ARHGAP45: variants seen among roughly 807,000 people sequenced by gnomAD.
The protein encoded by ARHGAP45 is Rho GTPase activating protein 45, also known as rho GTPase-activating protein 45.
Under a neutral mutation model 116.1 loss-of-function variants are expected in ARHGAP45, and 56 were observed. The ratio of observed to expected loss-of-function variants is 0.48; its 90% confidence interval spans 0.39 to 0.60. ARHGAP45 has a LOEUF of 0.60. Ranked by LOEUF, ARHGAP45 falls within the 20% of genes least tolerant of loss-of-function variation. The probability of loss-of-function intolerance (pLI) is 0.00; values close to 1 mark genes in which losing one functional copy is unlikely to be tolerated. For synonymous variants in ARHGAP45, 866 were observed against 701.7 expected (o/e 1.23, Z -3.70); for missense variants, 1,622 against 1,601.0 (o/e 1.01, Z -0.22).
At chr19:1,075,982 A>G (rs1327519413) in intron 10 of ARHGAP45, among the ~76,000 whole-genome samples, 1 of 152,170 alleles carries the variant, frequency 6.6e-6, no homozygotes. Context: ...TCACCTCCAT[A>G]TAGAGAGGCT....
chr19:1,076,170 C>A (rs763574096), intron 10 of ARHGAP45, among the ~76,000 whole-genome samples: 6 of 152,162 alleles, frequency 3.9e-5, no homozygotes, highest in Non-Finnish European at 5.9e-5. Flanking sequence ...CCTGAGGGAT[C>A]AGTGCCCAAA....
intron 19 of ARHGAP45, 49 bp from the exon 20 acceptor site, chr19:1,082,791 G>A (rs1599771798): frequency 7.0e-7 from 1 of 1,425,656 alleles, no homozygotes; most frequent in Non-Finnish European, 9.3e-7. Flanking sequence ...GGCACACGTG[G>A]GGGCTGGGCC....
At position 1,083,255 on chromosome 19, in the gene ARHGAP45, C is replaced by T. The variant is rs772099995; in HGVS notation, c.2857C>T (p.Leu953=). Reference sequence around the variant, plus strand: ...CGAGGCCACCGTGTCCCTCTCCTCCCTGGTGGATTATCCCCATCAGGCCCG... The same window carrying T: ...CGAGGCCACCGTGTCCCTCTCCTCCTTGGTGGATTATCCCCATCAGGCCCG... ...PTEATVSLSS[L]VDYPHQARVI... Residue 953 remains leucine (L), a synonymous_variant, in exon 21 of 23, where the codon CTG becomes TTG. Transcript: ENST00000313093. The T allele has an allele frequency of 1.9e-6, 3 of 1,603,482 alleles. No individual in the cohort carries two copies. Among genetic ancestry groups the T allele is most frequent in the Non-Finnish European group, 2.6e-6 (3 of 1,175,286 alleles).
In ARHGAP45 at chr19:1,074,128, A is replaced by G. The variant is rs1157370902; in HGVS notation, c.815A>G (p.Asp272Gly). The G allele has an allele frequency of 6.2e-7, 1 of 1,613,022 alleles. No homozygotes were observed. The highest frequency in any genetic ancestry group is 1.7e-4 in the Middle Eastern group (1 of 6,052). Residue 272 changes from aspartate to glycine, a missense_variant, in exon 7 of 23, where the codon GAC (aspartate) becomes GGC (glycine). Coordinates refer to ENST00000313093, the MANE Select transcript of ARHGAP45 (RefSeq NM_012292.5). ...DAGCLPAEEV[D>G]VLLQRCEGGV... ...GGCTGCCTGCCCGCCGAGGAGGTGG[A>G]CGTGCTGCTACAGCGCTGTGAGGGG...
chr19:1,081,553 T>C lies in ARHGAP45; in HGVS notation c.2194T>C (p.Cys732Arg). ...YFQGAECEEC[C>R]LACHKKCLET... ...CACTCACTCTGGCCGCCCCCAGTGC[T>C]GCCTGGCCTGCCACAAGAAATGTCT... The change falls in exon 18 of 23, where the codon TGC becomes CGC. Residue 732 changes from cysteine (C) to arginine (R), a missense_variant. Coordinates refer to ENST00000313093, the MANE Select transcript of ARHGAP45 (RefSeq NM_012292.5). 1 of 1,471,108 alleles carries C rather than the reference T, an allele frequency of 6.8e-7. No individual in the cohort carries two copies. The highest frequency in any genetic ancestry group is 9.0e-7 in the Non-Finnish European group (1 of 1,108,192). 91.1% of individuals were successfully genotyped at this position (1,471,108 alleles called of 1,614,324 possible). A position where few individuals can be genotyped will look rare whatever the true frequency, so the allele number is the denominator to read the frequency against.
At chr19:1,072,695 T>C (rs767921071) in intron 2 of ARHGAP45, among the ~76,000 whole-genome samples, 8 of 152,188 alleles carry the variant, frequency 5.3e-5, no homozygotes, top group Non-Finnish European at 1.2e-4. Flanking sequence ...AGAGCTAGCG[T>C]AGATGGAAAA....
In ARHGAP45 at chr19:1,082,893, C is replaced by T. The variant is rs1338546348; in HGVS notation, c.2571C>T (p.Ala857=). The T allele has an allele frequency of 3.1e-6, 5 of 1,591,044 alleles. No individual in the cohort carries two copies. The highest frequency in any genetic ancestry group is 3.4e-6 in the Non-Finnish European group (4 of 1,169,202). ...TCTACCACGAGCTCGTAGGGCTGGC[C>T]AAGGACAGCCTGAAGGCAGAGGCCG... ...FRLYHELVGL[A]KDSLKAEAEA... Residue 857 remains alanine (A), a synonymous_variant, in exon 20 of 23, where the codon GCC becomes GCT. Transcript: ENST00000313093.
intron 10 of ARHGAP45, among the ~76,000 whole-genome samples, chr19:1,076,775 G>A (rs2043260259): frequency 6.6e-6 from 1 of 152,048 alleles, no homozygotes; most frequent in South Asian, 2.1e-4. Flanking sequence ...GGAATTATAG[G>A]CATAAGACAC....
chr19:1,086,000 C>A lies in ARHGAP45; in HGVS notation c.3405C>A (p.Phe1135Leu), dbSNP rs141864446. The change falls in exon 23 of 23, where the codon TTC becomes TTA. Residue 1135 changes from phenylalanine (F) to leucine (L), a missense_variant. Around this residue, in one of 3 missense-constraint regions of ARHGAP45, gnomAD observed 1,334 missense variants for 1,263.8 expected, o/e 1.06. Transcript: ENST00000313093. ...CCTGCAGGGAAAGGCAGCCGGAATT[C>A]GTGTGAGCTGGGGTGGGGCTGGGAC... ...LGSCRERQPE[F>L]V is the part of the protein sequence containing the mutation. 20 of 1,611,400 alleles carry A rather than the reference C, an allele frequency of 1.2e-5. No homozygotes were observed. The highest frequency in any genetic ancestry group is 1.7e-5 in the Non-Finnish European group (20 of 1,179,012).
At chr19:1,079,674 T>G (rs1419040969) in intron 11 of ARHGAP45, 29 bp from the exon 12 acceptor site, 1 of 1,610,714 alleles carries the variant, frequency 6.2e-7, no homozygotes, top group Non-Finnish European at 8.5e-7. Context: ...GGCTGAGGCC[T>G]CTCTCTGTGC....
In ARHGAP45 at chr19:1,080,397, C is replaced by T. The variant is rs560128516; in HGVS notation, c.1828+18C>T. ...CCACAGGGGTGAGTGTCCGGCGGGGCCCAGGGGCGGACGCTGGCTCCCTGC... is the reference window on the plus strand; with the variant it reads ...CCACAGGGGTGAGTGTCCGGCGGGGTCCAGGGGCGGACGCTGGCTCCCTGC... On this transcript the variant is annotated intron_variant, in intron 14 of 22. Transcript: ENST00000313093. 3 of 1,608,230 alleles carry T rather than the reference C, an allele frequency of 1.9e-6. No homozygotes were observed. The highest frequency in any genetic ancestry group is 2.2e-5 in the South Asian group (2 of 90,928).
At chr19:1,075,878 C>G (rs2269847) in intron 10 of ARHGAP45, among the ~76,000 whole-genome samples, 4,723 of 152,340 alleles carry the variant, frequency 0.031, 181 homozygotes, top group East Asian at 0.2. Context: ...CCTCCTAGCT[C>G]CTTCCAGCAC....
Position 1,068,744 on chromosome 19 carries a change from G to A in ARHGAP45, c.421G>A (p.Asp141Asn), listed in dbSNP as rs779055456. The A allele has an allele frequency of 2.3e-5, 37 of 1,610,556 alleles. No individual in the cohort carries two copies. Among genetic ancestry groups the A allele is most frequent in the Non-Finnish European group, 2.9e-5 (34 of 1,178,394 alleles). ...ACTTAAGGAGTGTGTGTTGCGTGAC[G>A]GTGAGAGCCACGGGGACACCGAGGC... is the stretch of plus-strand genomic sequence containing the variant. The part of the protein sequence containing the change: ...EKLKECVLRD[D>N]LLEARRPRAH... The change falls in exon 2 of 23, where the codon GAC becomes AAC. Residue 141 changes from aspartate (D) to asparagine (N), a missense_variant and splice_region_variant. Physicochemically the swap from Asp to Asn is conservative, Grantham distance 23. Transcript: ENST00000313093. This position sits in a 1 kb window ranked among gnomAD's most constrained non-coding sequence, Gnocchi z 7.5.
chr19:1,074,490 A>G (rs925661664), intron 8 of ARHGAP45, 83 bp downstream of exon 8: 22 of 1,412,888 alleles, frequency 1.6e-5, no homozygotes, highest in Non-Finnish European at 2.8e-6. Flanking sequence ...AGGGACCAAG[A>G]GCAGGGGCTT....
In ARHGAP45 at chr19:1,074,092, C is replaced by A; in HGVS notation, c.791-12C>A. ...GGTCGGGCCAGGCTGAGCAGGCCCC[C>A]GTTCCCTGCAGGCTGCCTGCCCGCC... On this transcript the variant is annotated splice_polypyrimidine_tract_variant and intron_variant, in intron 6 of 22. Coordinates refer to ENST00000313093, the MANE Select transcript of ARHGAP45 (RefSeq NM_012292.5). The A allele has an allele frequency of 6.2e-7, 1 of 1,610,408 alleles. No individual in the cohort carries two copies. The highest frequency in any genetic ancestry group is 8.5e-7 in the Non-Finnish European group (1 of 1,178,544).
intron 19 of ARHGAP45, 104 bp downstream of exon 19, chr19:1,082,065 A>G (rs1599770311): frequency 1.9e-6 from 1 of 531,070 alleles, no homozygotes; most frequent in African/African-American, 2.6e-5. Context: ...GAGCTGGAGC[A>G]GGACTGGCGC....
chr19:1,074,183 G>A lies in ARHGAP45; in HGVS notation c.870G>A (p.Lys290=). The part of the protein sequence containing the change: ...GGVDAALLYA[K]NMAKYMKDLI... Reference sequence around the variant, plus strand: ...TGGATGCCGCACTGCTGTATGCCAAGAACATGGCCAAGTACATGAAGGACC... The same window carrying A: ...TGGATGCCGCACTGCTGTATGCCAAAAACATGGCCAAGTACATGAAGGACC... Residue 290 remains lysine (K), a synonymous_variant, in exon 7 of 23, where the codon AAG becomes AAA. Transcript: ENST00000313093. 6.2e-7 allele frequency: 1 copy of A among 1,613,496 alleles called. No homozygotes were observed. Among genetic ancestry groups the A allele is most frequent in the Non-Finnish European group, 8.5e-7 (1 of 1,180,008 alleles).
At position 1,086,198 on chromosome 19, in the gene ARHGAP45, G is replaced by C. The variant is rs1375758962; in HGVS notation, c.*192G>C. 1.7e-6 allele frequency: 1 copy of C among 600,086 alleles called. No individual in the cohort carries two copies. The highest frequency in any genetic ancestry group is 3.0e-6 in the Non-Finnish European group (1 of 337,916). 37.2% of individuals were successfully genotyped at this position (600,086 alleles called of 1,614,324 possible). A position where few individuals can be genotyped will look rare whatever the true frequency, so the allele number is the denominator to read the frequency against. On this transcript the variant is annotated 3_prime_UTR_variant, in exon 23 of 23. Coordinates refer to ENST00000313093, the MANE Select transcript of ARHGAP45 (RefSeq NM_012292.5). ...AGGAGCACGAGGGCCTTGCGGCACAGGACTGTGCCCTGTGCTGTCCCCTGC... is the reference window on the plus strand; with the variant it reads ...AGGAGCACGAGGGCCTTGCGGCACACGACTGTGCCCTGTGCTGTCCCCTGC...
At chr19:1,070,713 G>C (rs762367930) in intron 2 of ARHGAP45, among the ~76,000 whole-genome samples, 3 of 151,616 alleles carry the variant, frequency 2.0e-5, no homozygotes, top group Non-Finnish European at 2.9e-5. Context: ...GAACTCCCGA[G>C]CTAAAAACCG....
Sources: gnomAD v4.1 joint callset for allele counts (sites outside exome capture counted in the v4.1 genomes callset) on GRCh38, gnomAD v4.1.1 for gene constraint, gnomAD v4.1.1 regional missense constraint, Gnocchi (gnomAD v3.1) non-coding constraint, MANE v1.5 for transcripts, NCBI Gene and HGNC (gene_info 2026-07-23, HGNC 2026-07-21) for gene names.